The following SLC12A1 variants were observed in gnomAD, a reference collection of about 807,000 sequenced individuals.
SLC12A1 encodes the protein Na-K-2Cl cotransporter.
Under a neutral mutation model 130.4 loss-of-function variants are expected in SLC12A1, and 89 were observed. That is an observed-to-expected ratio of 0.68 (90% CI 0.58 to 0.81). The LOEUF is 0.81. Among genes scored for constraint, SLC12A1 ranks in the 40% least tolerant of loss-of-function variants. The pLI is 0.00. For missense variants in SLC12A1, 1,310 were observed against 1,336.4 expected (o/e 0.98, Z 0.31); for synonymous variants, 499 against 460.0 (o/e 1.08, Z -1.09).
At chr15:48,276,362 G>A (rs942399510) in intron 20 of SLC12A1, among the ~76,000 whole-genome samples, 1 of 152,178 alleles carries the variant, frequency 6.6e-6, no homozygotes, top group African/African-American at 2.4e-5. Flanking sequence ...AAATTCATAT[G>A]TTGAAGTGCT....
chr15:48,239,321 A>G (rs2041474635), intron 9 of SLC12A1, among the ~76,000 whole-genome samples: 1 of 152,054 alleles, frequency 6.6e-6, no homozygotes, highest in Non-Finnish European at 1.5e-5. Flanking sequence ...GACCAGCCTG[A>G]GCAACATGGC....
intron 19 of SLC12A1, among the ~76,000 whole-genome samples, chr15:48,273,100 CAAAAAAAAAAA>C (rs58343718): frequency 3.7e-5 from 3 of 82,010 alleles, no homozygotes; most frequent in Admixed American, 2.7e-4. Flanking sequence ...GTCAGACTGT[CAAAAAAAAAAA>C]AAAAAAAAAC....
At chr15:48,227,569 C>A in intron 5 of SLC12A1, 1 of 217,640 alleles carries the variant, frequency 4.6e-6, no homozygotes, top group Non-Finnish European at 9.2e-6. Context: ...CTCCTGCACC[C>A]AGGCCTCGGG....
chr15:48,288,331 A>T (rs1270837887), intron 22 of SLC12A1, 74 bp from the exon 23 acceptor site: 3 of 1,064,636 alleles, frequency 2.8e-6, no homozygotes, highest in Non-Finnish European at 4.1e-6. Context: ...TGTGGTAATG[A>T]ATAAAGATAT....
Position 48,245,268 on chromosome 15 carries a change from A to G in SLC12A1, c.1452+364A>G, listed in dbSNP as rs2041564401. Among the ~76,000 whole-genome samples the G allele has an allele frequency of 2.6e-5, 4 of 152,310 alleles. No individual in the cohort carries two copies. In the South Asian group the frequency reaches 8.3e-4, roughly 32 times the overall value. On this transcript the variant is annotated intron_variant, in intron 11 of 26. Transcript: ENST00000380993. Reference sequence around the variant, plus strand: ...TAATTTTAGTTTTTATTCCAGATTCAGGGAGTATCCTCTATGTGCAGGTTT... The same window carrying G: ...TAATTTTAGTTTTTATTCCAGATTCGGGGAGTATCCTCTATGTGCAGGTTT...
intron 4 of SLC12A1, 105 bp from the exon 5 acceptor site, chr15:48,226,371 G>C: frequency 1.5e-6 from 1 of 665,860 alleles, no homozygotes; most frequent in South Asian, 2.1e-5. Context: ...TGGAGCCCGA[G>C]GCATGGACCT....
chr15:48,282,624 C>T lies in SLC12A1; in HGVS notation c.2486-2482C>T, dbSNP rs564971677. 1.3e-4 allele frequency among the ~76,000 whole-genome samples: 20 copies of T among 152,254 alleles called. 1 individual carries two copies. In the South Asian group the frequency reaches 1.9e-3, roughly 14 times the overall value. The stretch of plus-strand genomic sequence containing the variant: ...GAAGACAAAATAACAGCTAGGATGC[C>T]GTCATCCAGGACAGTGACAACAAAG... On this transcript the variant is annotated intron_variant, in intron 20 of 26. Transcript: ENST00000380993.
At chr15:48,289,201 C>A (rs1300287555) in intron 23 of SLC12A1, among the ~76,000 whole-genome samples, 1 of 151,432 alleles carries the variant, frequency 6.6e-6, no homozygotes, top group Non-Finnish European at 1.5e-5. Context: ...GAACATGACA[C>A]ATCTAGAGGT....
intron 3 of SLC12A1, 27 bp downstream of exon 3, chr15:48,220,792 GA>G: frequency 6.2e-7 from 1 of 1,613,764 alleles, no homozygotes; most frequent in East Asian, 2.2e-5. Context: ...GTTTACAAAT[GA>G]AAACTATCCA....
At chr15:48,222,298 C>G (rs1055764434) in intron 4 of SLC12A1, 1 of 152,056 alleles carries the variant, frequency 6.6e-6, no homozygotes, top group Non-Finnish European at 1.5e-5. Context: ...TTCTTTTTAA[C>G]GCAACTTATT....
intron 21 of SLC12A1, among the ~76,000 whole-genome samples, chr15:48,285,677 G>A (rs750749268): frequency 6.6e-6 from 1 of 152,180 alleles, no homozygotes; most frequent in Non-Finnish European, 1.5e-5. Flanking sequence ...CAGCTGGAAC[G>A]CTGATTTCAA....
At chr15:48,285,633 C>CTGAA (rs1226655344) in intron 21 of SLC12A1, among the ~76,000 whole-genome samples, 1 of 152,194 alleles carries the variant, frequency 6.6e-6, no homozygotes, top group African/African-American at 2.4e-5. Context: ...TTTCAGGGAA[C>CTGAA]TGAAATACGA....
intron 2 of SLC12A1, among the ~76,000 whole-genome samples, chr15:48,216,496 A>C (rs900356228): frequency 2.6e-5 from 4 of 152,212 alleles, no homozygotes; most frequent in Non-Finnish European, 4.4e-5. Context: ...AAGTTTAATC[A>C]GAAAACATAG....
At position 48,303,696 on chromosome 15, in the gene SLC12A1, T is replaced by C. The variant is rs2042258578; in HGVS notation, c.*811T>C. ...ATTTCCATCACGGCATTACTTTGCA[T>C]ATTTTTTTCTAATTAAATGGTTAGT... On this transcript the variant is annotated 3_prime_UTR_variant, in exon 27 of 27. Coordinates refer to ENST00000380993, the MANE Select transcript of SLC12A1 (RefSeq NM_000338.3). The C allele has an allele frequency of 6.6e-6, 1 of 152,234 alleles. No individual in the cohort carries two copies. The highest frequency in any genetic ancestry group is 1.5e-5 in the Non-Finnish European group (1 of 68,036). The allele number at this position is 152,234 out of a possible 1,614,324, so 9.4% of individuals were successfully genotyped here.
intron 14 of SLC12A1, 117 bp from the exon 15 acceptor site, chr15:48,251,498 G>A: frequency 1.3e-6 from 1 of 786,834 alleles, no homozygotes. Context: ...CTGGAACTTG[G>A]CCTAAAAGTT....
At chr15:48,263,786 A>G (rs1010031336) in intron 17 of SLC12A1, among the ~76,000 whole-genome samples, 4 of 152,068 alleles carry the variant, frequency 2.6e-5, no homozygotes, top group Admixed American at 1.3e-4. Flanking sequence ...TTGAGCTCCC[A>G]GGCTCAAGCA....
At chr15:48,220,082 C>A (rs1283668642) in intron 2 of SLC12A1, among the ~76,000 whole-genome samples, 4 of 141,410 alleles carry the variant, frequency 2.8e-5, no homozygotes. Context: ...GCACTCCAGC[C>A]TGAGTGACAC....
At chr15:48,277,197 T>A (rs899775066) in intron 20 of SLC12A1, among the ~76,000 whole-genome samples, 5 of 148,754 alleles carry the variant, frequency 3.4e-5, no homozygotes, top group Non-Finnish European at 5.9e-5. Context: ...CACAAGAGAG[T>A]GAAAAAATTG....
chr15:48,301,335 G>A lies in SLC12A1; in HGVS notation c.3117G>A (p.Leu1039=). The A allele has an allele frequency of 6.2e-7, 1 of 1,601,462 alleles. No homozygotes were observed. The highest frequency in any genetic ancestry group is 1.1e-5 in the South Asian group (1 of 88,152). Residue 1039 remains leucine, a synonymous_variant, in exon 26 of 27, where the codon CTG becomes CTA. Transcript: ENST00000380993. The part of the protein sequence containing the change: ...VKEKSYRQVR[L]NELLQEHSRA... ...CACAGAGTTACCGCCAAGTTCGACT[G>A]AATGAACTCTTACAGGAGCACTCCA...
Sources: gnomAD v4.1 joint callset for allele counts (sites outside exome capture counted in the v4.1 genomes callset) on GRCh38, gnomAD v4.1.1 for gene constraint, MANE v1.5 for transcripts, NCBI Gene and HGNC (gene_info 2026-07-23, HGNC 2026-07-21) for gene names.